The following TENM2 variants were observed in gnomAD, a reference collection of about 807,000 sequenced individuals.
The protein encoded by TENM2 is teneurin transmembrane protein 2, also known as teneurin-2.
In TENM2, 52 loss-of-function variants were observed where a neutral mutation model predicts 245.2. That is an observed-to-expected ratio of 0.21 (90% CI 0.17 to 0.27). The LOEUF (loss-of-function observed/expected upper bound fraction) is 0.27. Among genes scored for constraint, TENM2 ranks in the 10% least tolerant of loss-of-function variants. TENM2 has a pLI of 1.00. For missense variants in TENM2, 3,046 were observed against 3,666.8 expected, an observed-to-expected ratio of 0.83 and a Z score of 4.37; for synonymous variants, 1,363 against 1,438.9, an observed-to-expected ratio of 0.95 and a Z score of 1.19.
chr5:167,113,642 CA>C, the TENM2 span, among the ~76,000 whole-genome samples: 11,269 of 96,288 alleles, frequency 0.12, 918 homozygotes, highest in African/African-American at 0.28. Context: ...GATCCTGTCT[CA>C]AAAAAAAAAA....
intron 2 of TENM2, among the ~76,000 whole-genome samples, chr5:167,541,682 G>A (rs1035347953): frequency 1.3e-5 from 2 of 152,086 alleles, no homozygotes; most frequent in Non-Finnish European, 2.9e-5. Flanking sequence ...TACTGAAGGG[G>A]TTTAAAGTGA....
chr5:167,024,047 A>T, the TENM2 span, among the ~76,000 whole-genome samples: 2 of 152,350 alleles, frequency 1.3e-5, no homozygotes, highest in East Asian at 3.9e-4. Context: ...CTGGCATTTT[A>T]TTCAAGGAAA....
intron 2 of TENM2, among the ~76,000 whole-genome samples, chr5:167,667,486 A>G (rs546837195): frequency 3.9e-5 from 6 of 152,306 alleles, no homozygotes; most frequent in Non-Finnish European, 7.4e-5. Flanking sequence ...CCATCAGTCA[A>G]TCAACCAAGT....
chr5:167,981,525 C>G (rs572974513), intron 4 of TENM2, among the ~76,000 whole-genome samples: 1 of 152,336 alleles, frequency 6.6e-6, no homozygotes, highest in East Asian at 1.9e-4. Context: ...ACCCTCAAGG[C>G]AGAGGTATAA....
chr5:167,100,149 C>A, the TENM2 span, among the ~76,000 whole-genome samples: 1 of 152,168 alleles, frequency 6.6e-6, no homozygotes, highest in East Asian at 1.9e-4. Flanking sequence ...TGTATGTTTT[C>A]GGCCAAGTTC....
intron 15 of TENM2, among the ~76,000 whole-genome samples, chr5:168,195,602 G>A (rs545863670): frequency 4.3e-4 from 56 of 130,622 alleles, no homozygotes; most frequent in African/African-American, 1.8e-3. Flanking sequence ...GTGTGTGTGT[G>A]TGTGTGTGTT....
At chr5:168,238,264 G>GAA (rs1201776616) in intron 25 of TENM2, among the ~76,000 whole-genome samples, 1 of 141,738 alleles carries the variant, frequency 7.1e-6, no homozygotes, top group Non-Finnish European at 1.5e-5. Context: ...GAAAAGAAAA[G>GAA]AAAAGAAAAG....
the TENM2 span, among the ~76,000 whole-genome samples, chr5:167,007,983 A>C: frequency 1.3e-5 from 2 of 152,136 alleles, no homozygotes; most frequent in Non-Finnish European, 2.9e-5. The surrounding 1 kb of genome is among the most constrained non-coding windows in gnomAD (Gnocchi z 4.2). Context: ...TGTGCAACTA[A>C]GCCACAGTAA....
intron 2 of TENM2, among the ~76,000 whole-genome samples, chr5:167,534,387 AG>A (rs1771711433): frequency 6.6e-6 from 1 of 152,226 alleles, no homozygotes; most frequent in Non-Finnish European, 1.5e-5. Flanking sequence ...CTCCAAAAGA[AG>A]GCTGGGGCCC....
At chr5:167,440,111 G>A (rs548359248) in intron 2 of TENM2, among the ~76,000 whole-genome samples, 14 of 152,122 alleles carry the variant, frequency 9.2e-5, no homozygotes, top group Admixed American at 2.0e-4. Context: ...GGTCTATCCA[G>A]CCCTTTATAT....
intron 2 of TENM2, among the ~76,000 whole-genome samples, chr5:167,562,689 A>T (rs1254105629): frequency 6.6e-6 from 1 of 152,146 alleles, no homozygotes; most frequent in Non-Finnish European, 1.5e-5. Flanking sequence ...AATGGTGGCA[A>T]GTCATGCCTG....
chr5:167,608,045 T>A (rs562920342), intron 2 of TENM2, among the ~76,000 whole-genome samples: 8 of 152,316 alleles, frequency 5.3e-5, no homozygotes, highest in Admixed American at 2.0e-4. Context: ...GCCACATCCT[T>A]TGGCTCTTTT....
intron 25 of TENM2, 88 bp downstream of exon 27, chr5:168,228,218 A>G: frequency 1.8e-6 from 2 of 1,098,648 alleles, no homozygotes; most frequent in Non-Finnish European, 2.7e-6. Context: ...CTGTTACCAC[A>G]GAGTGGGAGG....
chr5:167,010,880 G>A, the TENM2 span, among the ~76,000 whole-genome samples: 1 of 152,108 alleles, frequency 6.6e-6, no homozygotes, highest in Non-Finnish European at 1.5e-5. Context: ...CAAATGTTAG[G>A]TATTAATATG....
chr5:168,020,272 G>T (rs1008347832), intron 5 of TENM2, among the ~76,000 whole-genome samples: 1 of 152,098 alleles, frequency 6.6e-6, no homozygotes, highest in Non-Finnish European at 1.5e-5. Context: ...TTTAGAGTTC[G>T]CCCATTCTCC....
intron 2 of TENM2, among the ~76,000 whole-genome samples, chr5:167,837,547 A>G (rs986151345): frequency 1.3e-5 from 2 of 152,330 alleles, no homozygotes; most frequent in Admixed American, 6.5e-5. Context: ...AATTTGACCA[A>G]AAGATGCTGA....
intron 5 of TENM2, among the ~76,000 whole-genome samples, chr5:168,027,701 T>TAATGGAACC (rs911830810): frequency 1.3e-5 from 2 of 152,204 alleles, no homozygotes; most frequent in Admixed American, 1.3e-4. Flanking sequence ...TTCGGAAATA[T>TAATGGAACC]AATGGAACCT....
At chr5:167,939,803 C>T (rs926547107) in intron 3 of TENM2, among the ~76,000 whole-genome samples, 18 of 152,270 alleles carry the variant, frequency 1.2e-4, no homozygotes, top group Non-Finnish European at 2.1e-4. Flanking sequence ...TCGGCAACTA[C>T]GCAGATGAAT....
intron 2 of TENM2, among the ~76,000 whole-genome samples, chr5:167,857,362 CCAGGGTTAAGAACTG>C (rs1319459572): frequency 2.0e-5 from 3 of 152,182 alleles, no homozygotes; most frequent in African/African-American, 7.2e-5. Flanking sequence ...TACCTCTCTT[CCAGGGTTAAGAACTG>C]CAGGGCCTCG....
Sources: allele counts gnomAD v4.1 joint callset (sites outside exome capture counted in the v4.1 genomes callset), GRCh38; gene constraint gnomAD v4.1.1; non-coding constraint Gnocchi (gnomAD v3.1); transcripts MANE v1.5; gene names NCBI Gene and HGNC (gene_info 2026-07-23, HGNC 2026-07-21).